The following RAPGEF5 variants were observed in gnomAD, a reference collection of about 807,000 sequenced individuals.
The protein encoded by RAPGEF5 is Rap guanine nucleotide exchange factor 5, also known as M-Ras-regulated GEF.
In RAPGEF5, 65 loss-of-function variants were observed where a neutral mutation model predicts 125.2. That is an observed-to-expected ratio of 0.52 (90% CI 0.43 to 0.64). The LOEUF (loss-of-function observed/expected upper bound fraction) is 0.64, where lower values mean the gene tolerates loss of function less well. Among genes scored for constraint, RAPGEF5 ranks in the 30% least tolerant of loss-of-function variants. The pLI is 0.00. For missense variants in RAPGEF5, 958 were observed against 1,048.1 expected, an observed-to-expected ratio of 0.91 and a Z score of 1.19; for synonymous variants, 391 against 385.9, an observed-to-expected ratio of 1.01 and a Z score of -0.16.
intron 7 of RAPGEF5, among the ~76,000 whole-genome samples, chr7:22,251,324 C>T (rs2128138328): frequency 6.6e-6 from 1 of 152,174 alleles, no homozygotes; most frequent in Non-Finnish European, 1.5e-5. Context: ...CTTTATTTAC[C>T]CAAATACACA....
At chr7:22,354,342 G>A (rs1160497063) in intron 1 of RAPGEF5, among the ~76,000 whole-genome samples, 7 of 152,158 alleles carry the variant, frequency 4.6e-5, no homozygotes, top group Non-Finnish European at 1.0e-4. Context: ...CTGAAGTCAC[G>A]CAGCTCCAGT....
chr7:22,235,370 G>T (rs115055588), intron 7 of RAPGEF5, among the ~76,000 whole-genome samples: 3 of 152,216 alleles, frequency 2.0e-5, no homozygotes, highest in Non-Finnish European at 4.4e-5. Context: ...TAAAATGTAC[G>T]TGTCGGTGAC....
chr7:22,356,235 T>C (rs967158463), intron 1 of RAPGEF5: 5 of 985,312 alleles, frequency 5.1e-6, no homozygotes, highest in Middle Eastern at 5.2e-4. Flanking sequence ...TGAAGGTTCT[T>C]GGGGGCGTGC....
intron 5 of RAPGEF5, among the ~76,000 whole-genome samples, chr7:22,293,783 A>G (rs1222515795): frequency 6.6e-6 from 1 of 152,142 alleles, no homozygotes; most frequent in Non-Finnish European, 1.5e-5. Context: ...ACAGCGGGAG[A>G]GCCTGAAAAG....
At chr7:22,178,686 C>A (rs1011193360) in intron 11 of RAPGEF5, among the ~76,000 whole-genome samples, 2 of 152,198 alleles carry the variant, frequency 1.3e-5, no homozygotes, top group African/African-American at 4.8e-5. Context: ...GGTTCACTAT[C>A]TTCATGGCAC....
intron 6 of RAPGEF5, among the ~76,000 whole-genome samples, chr7:22,275,088 GCCTCCCCA>G (rs1415582502): frequency 2.6e-5 from 4 of 152,034 alleles, no homozygotes; most frequent in Non-Finnish European, 5.9e-5. Context: ...TGTCTGGAAT[GCCTCCCCA>G]CCTCCCCGCC....
At position 22,273,439 on chromosome 7, in the gene RAPGEF5, C is replaced by T. The variant is rs191255057; in HGVS notation, c.748-6427G>A. 4.4e-3 allele frequency among the ~76,000 whole-genome samples: 668 copies of T among 150,894 alleles called. 8 individuals are homozygous for T. The highest frequency in any genetic ancestry group is 0.031 in the Admixed American group (464 of 15,148). On this transcript the variant is annotated intron_variant, in intron 6 of 25. Coordinates refer to ENST00000665637, the MANE Select transcript of RAPGEF5 (RefSeq NM_012294.5). ...TTCACCATGTTAGCCAGGATGGTCT[C>T]GATCTCCTGACCTTGTGATCCGCCC... is the stretch of plus-strand genomic sequence containing the variant.
chr7:22,280,515 G>A (rs1169011074), intron 6 of RAPGEF5, among the ~76,000 whole-genome samples: 1 of 152,292 alleles, frequency 6.6e-6, no homozygotes, highest in East Asian at 1.9e-4. Context: ...TGAAGAAATG[G>A]AGACTGCTCT....
chr7:22,297,094 T>C (rs1015466944), intron 5 of RAPGEF5, among the ~76,000 whole-genome samples: 6 of 152,122 alleles, frequency 3.9e-5, no homozygotes, highest in Non-Finnish European at 7.3e-5. Flanking sequence ...AGAGTTTTGC[T>C]GTAAAAGGGA....
intron 6 of RAPGEF5, among the ~76,000 whole-genome samples, chr7:22,288,705 G>A (rs984251302): frequency 1.3e-5 from 2 of 151,912 alleles, no homozygotes; most frequent in Admixed American, 1.3e-4. Context: ...TGTATTTTTA[G>A]TAGAGATGGG....
chr7:22,355,848 G>T, intron 1 of RAPGEF5: 1 of 605,676 alleles, frequency 1.7e-6, no homozygotes, highest in Non-Finnish European at 2.1e-6. Flanking sequence ...CTCCCAGCAA[G>T]GTCTTGTTTT....
intron 9 of RAPGEF5, among the ~76,000 whole-genome samples, chr7:22,208,156 CTCTGT>C (rs1261578747): frequency 1.3e-5 from 2 of 152,128 alleles, no homozygotes; most frequent in Admixed American, 6.5e-5. Context: ...TCATTTCTGT[CTCTGT>C]TCTATTTCAT....
chr7:22,150,430 G>C lies in RAPGEF5; in HGVS notation c.1861C>G (p.Arg621Gly), dbSNP rs752404961. Residue 621 changes from arginine to glycine, a missense_variant, in exon 18 of 26, where the codon CGG becomes GGG. Physicochemically the swap from Arg to Gly is moderately radical, Grantham distance 125 (BLOSUM62 -2). Coordinates refer to ENST00000665637, the MANE Select transcript of RAPGEF5 (RefSeq NM_012294.5). ...LEASGRIYVYRKDLADTLNPF... is the reference protein window; with the variant it reads ...LEASGRIYVYGKDLADTLNPF... ...ACCAAAGTGTCCGCCAGGTCTTTCC[G>C]GTAGACATATATTCGACCAGATGCC... 1.2e-6 allele frequency: 2 copies of C among 1,609,220 alleles called. No individual in the cohort carries two copies. The highest frequency in any genetic ancestry group is 1.7e-4 in the Middle Eastern group (1 of 6,042).
chr7:22,256,706 T>C (rs1047084106), intron 7 of RAPGEF5, among the ~76,000 whole-genome samples: 1 of 152,218 alleles, frequency 6.6e-6, no homozygotes, highest in African/African-American at 2.4e-5. Context: ...AAATTTCATA[T>C]GATCTAAAGA....
chr7:22,251,771 T>C (rs185906527), intron 7 of RAPGEF5, among the ~76,000 whole-genome samples: 31 of 40,354 alleles, frequency 7.7e-4, no homozygotes, highest in African/African-American at 2.2e-3. Context: ...GGAAGTTTCA[T>C]TGACAAAAAA....
intron 21 of RAPGEF5, among the ~76,000 whole-genome samples, chr7:22,137,513 G>A (rs1048371819): frequency 3.6e-4 from 55 of 152,326 alleles, no homozygotes; most frequent in African/African-American, 1.3e-3. Context: ...ACAGGGGATG[G>A]AAACATAGGC....
At chr7:22,153,259 T>C (rs1421200762) in intron 17 of RAPGEF5, among the ~76,000 whole-genome samples, 1 of 152,222 alleles carries the variant, frequency 6.6e-6, no homozygotes, top group Non-Finnish European at 1.5e-5. Context: ...TAAGCAGTAT[T>C]GATAAAGCTT....
At chr7:22,318,138 G>C in intron 1 of RAPGEF5, 101 bp from the exon 2 acceptor site, 1 of 701,996 alleles carries the variant, frequency 1.4e-6, no homozygotes, top group Non-Finnish European at 2.0e-6. Context: ...CCTCTGCTAT[G>C]AAAAAAAAAA....
chr7:22,124,390 T>C (rs1273674025), intron 25 of RAPGEF5, among the ~76,000 whole-genome samples: 2 of 152,214 alleles, frequency 1.3e-5, no homozygotes, highest in Admixed American at 1.3e-4. Context: ...CTTGTATGCT[T>C]GATGAAGAAT....
Sources: allele counts gnomAD v4.1 joint callset (sites outside exome capture counted in the v4.1 genomes callset), GRCh38; gene constraint gnomAD v4.1.1; transcripts MANE v1.5; gene names NCBI Gene and HGNC (gene_info 2026-07-23, HGNC 2026-07-21).